ERC1: variants seen among roughly 807,000 people sequenced by gnomAD.
ERC1 encodes the protein ELKS/RAB6-interacting/CAST family member 1, also known as RAB6 interacting protein 2.
ERC1 carries 56 observed loss-of-function variants against 132.0 expected under a neutral mutation model. The observed-to-expected ratio is 0.42, with a 90% CI of 0.34 to 0.53. ERC1 has a LOEUF of 0.53. Among genes scored for constraint, ERC1 ranks in the 20% least tolerant of loss-of-function variants. The pLI is 0.03. For missense variants in ERC1, 1,202 were observed against 1,349.9 expected (o/e 0.89, Z 1.72); for synonymous variants, 478 against 476.1 (o/e 1.00, Z -0.05).
intron 7 of ERC1, among the ~76,000 whole-genome samples, chr12:1,132,279 A>C (rs1336757121): frequency 6.8e-6 from 1 of 146,238 alleles, no homozygotes; most frequent in Non-Finnish European, 1.5e-5. Flanking sequence ...TACTTAGTCA[A>C]TAAAAGATCA....
intron 12 of ERC1, among the ~76,000 whole-genome samples, chr12:1,223,856 C>G (rs1217818754): frequency 6.6e-6 from 1 of 152,082 alleles, no homozygotes; most frequent in African/African-American, 2.4e-5. Flanking sequence ...CAGATTAGTT[C>G]AGGCAAAACA....
intron 2 of ERC1, among the ~76,000 whole-genome samples, chr12:1,039,112 G>A (rs575556983): frequency 5.5e-4 from 84 of 152,010 alleles, no homozygotes; most frequent in Middle Eastern, 6.8e-3. Flanking sequence ...CGAGGCTGGC[G>A]GATCACGAGG....
intron 2 of ERC1, among the ~76,000 whole-genome samples, chr12:1,033,039 A>ATT (rs112737527): frequency 2.8e-5 from 4 of 141,882 alleles, no homozygotes; most frequent in Non-Finnish European, 4.6e-5. Flanking sequence ...TGCCTGGCTA[A>ATT]TTTTTTTTTT....
chr12:1,028,277 T>G lies in ERC1; in HGVS notation c.374T>G (p.Phe125Cys), dbSNP rs575749350. The change falls in exon 2 of 19, where the codon TTT becomes TGT. Residue 125 changes from phenylalanine to cysteine, a missense_variant. Physicochemically the swap from Phe to Cys is radical, Grantham distance 205. Transcript: ENST00000360905. ...SSGVASDTIA[F>C]GEHHLPPVSM... is the part of the protein sequence containing the mutation. ...GGGGTTGCTAGTGACACCATAGCAT[T>G]TGGAGAGCATCACCTCCCTCCTGTG... 6.2e-6 allele frequency: 10 copies of G among 1,614,130 alleles called. No individual in the cohort carries two copies. In the South Asian group the frequency reaches 9.9e-5, roughly 16 times the overall value.
intron 17 of ERC1, among the ~76,000 whole-genome samples, chr12:1,410,706 T>C (rs1455512671): frequency 6.6e-6 from 1 of 151,792 alleles, no homozygotes; most frequent in Non-Finnish European, 1.5e-5. Context: ...TTATACATTT[T>C]TGGGAGAACT....
intron 1 of ERC1, among the ~76,000 whole-genome samples, chr12:1,025,552 T>C (rs1430452340): frequency 6.6e-6 from 1 of 152,192 alleles, no homozygotes; most frequent in South Asian, 2.1e-4. Flanking sequence ...TAACTCAAGT[T>C]CACAAGGATA....
chr12:1,277,376 A>G (rs1234305191), intron 14 of ERC1, among the ~76,000 whole-genome samples: 6 of 152,248 alleles, frequency 3.9e-5, no homozygotes, highest in Non-Finnish European at 8.8e-5. Context: ...GCTTCTGATC[A>G]TCACTGGTAA....
chr12:1,096,900 G>T (rs1944106826), intron 3 of ERC1, among the ~76,000 whole-genome samples: 1 of 151,922 alleles, frequency 6.6e-6, no homozygotes, highest in Non-Finnish European at 1.5e-5. Context: ...AGTGTTCTGG[G>T]TTTTATAGTT....
At position 1,236,984 on chromosome 12, in the gene ERC1, T is replaced by C. The variant is rs958405241; in HGVS notation, c.2487+80T>C. 2.0e-6 allele frequency: 3 copies of C among 1,520,382 alleles called. No individual in the cohort carries two copies. The African/African-American group carries it at 4.1e-5, about 21-fold the overall frequency. The allele number at this position is 1,520,382 out of a possible 1,614,324, so 94.2% of individuals were successfully genotyped here. On this transcript the variant is annotated intron_variant, in intron 13 of 18. Transcript: ENST00000360905. The stretch of plus-strand genomic sequence containing the variant: ...CGCATGTTGTTTTTCTCTTCATCTT[T>C]ATCCTCCTCTTTTTTCTCTTTCTAA...
chr12:1,057,133 T>G (rs1006292038), intron 2 of ERC1, among the ~76,000 whole-genome samples: 9 of 152,138 alleles, frequency 5.9e-5, no homozygotes, highest in Non-Finnish European at 1.2e-4. Flanking sequence ...TTTAGTGTTT[T>G]TTTGTTTGTT....
At chr12:1,371,183 A>G (rs539465753) in intron 15 of ERC1, among the ~76,000 whole-genome samples, 1 of 120,092 alleles carries the variant, frequency 8.3e-6, no homozygotes, top group South Asian at 2.5e-4. Flanking sequence ...CACTGATGGG[A>G]ACTCCCCATT....
chr12:1,115,973 T>A lies in ERC1; in HGVS notation c.1509T>A (p.Ile503=), dbSNP rs1946399284. The change falls in exon 7 of 19, where the codon ATT becomes ATA. Residue 503 remains isoleucine, a synonymous_variant. Transcript: ENST00000360905. The stretch of plus-strand genomic sequence containing the variant: ...AGTTCTCAGATAGTAAACAGCACAT[T>A]GAAGTGTTGAAGGAGTCCTTGACTG... ...TNQFSDSKQH[I]EVLKESLTAK... 2.5e-6 allele frequency: 4 copies of A among 1,614,098 alleles called. No homozygotes were observed. The highest frequency in any genetic ancestry group is 3.4e-6 in the Non-Finnish European group (4 of 1,179,962).
intron 12 of ERC1, among the ~76,000 whole-genome samples, chr12:1,232,934 G>A (rs1461527367): frequency 6.6e-6 from 1 of 151,988 alleles, no homozygotes; most frequent in Non-Finnish European, 1.5e-5. Context: ...GAATTAGCAA[G>A]AGCGTTTAAC....
At chr12:1,162,996 A>G (rs1432329769) in intron 8 of ERC1, among the ~76,000 whole-genome samples, 1 of 152,208 alleles carries the variant, frequency 6.6e-6, no homozygotes, top group African/African-American at 2.4e-5. Flanking sequence ...TTTATTGCAA[A>G]AACAATGCGC....
intron 8 of ERC1, among the ~76,000 whole-genome samples, chr12:1,167,645 A>G (rs1315704358): frequency 1.3e-5 from 2 of 152,000 alleles, no homozygotes; most frequent in South Asian, 2.1e-4. Flanking sequence ...TTTTCAGATT[A>G]GAAAAATCAT....
At chr12:1,240,922 A>G (rs1464973933) in intron 13 of ERC1, among the ~76,000 whole-genome samples, 2 of 152,018 alleles carry the variant, frequency 1.3e-5, no homozygotes, top group South Asian at 2.1e-4. Context: ...TGATGCTTGT[A>G]CTTACTATTT....
At position 1,408,363 on chromosome 12, in the gene ERC1, C is replaced by T. The variant is rs1008316469; in HGVS notation, c.3024+116C>T. 4.2e-5 allele frequency: 27 copies of T among 645,104 alleles called. No homozygotes were observed. The African/African-American group carries it at 4.7e-4, about 11-fold the overall frequency. 40.0% of individuals were successfully genotyped at this position (645,104 alleles called of 1,614,324 possible). On this transcript the variant is annotated intron_variant, in intron 17 of 18. Transcript: ENST00000360905. ...AAGTTAGAAGAATAAAAATAAATAG[C>T]TAATTCAGTTCTGAAAACTCTACTC...
In ERC1 at chr12:1,295,385, G is replaced by A. The variant is rs77565709; in HGVS notation, c.2780+5373G>A. On this transcript the variant is annotated intron_variant, in intron 15 of 18. Transcript: ENST00000360905. ...TTCATATACAAGCACAGTATACTGA[G>A]GAGAAGTTGGAAGCCAGGTATCATG... Among the ~76,000 whole-genome samples, 1,134 of 152,240 alleles carry A rather than the reference G, an allele frequency of 7.4e-3. 16 individuals carry two copies. The highest frequency in any genetic ancestry group is 0.026 in the African/African-American group (1,075 of 41,540).
intron 14 of ERC1, among the ~76,000 whole-genome samples, chr12:1,272,940 TC>T (rs1377473239): frequency 3.8e-5 from 4 of 105,446 alleles, no homozygotes; most frequent in African/African-American, 1.6e-4. Flanking sequence ...AGAGTGAGAC[TC>T]CGTCTAAAAA....
Sources: allele counts gnomAD v4.1 joint callset (sites outside exome capture counted in the v4.1 genomes callset), GRCh38; gene constraint gnomAD v4.1.1; transcripts MANE v1.5; gene names NCBI Gene and HGNC (gene_info 2026-07-23, HGNC 2026-07-21).